ABCA4: variants seen among roughly 807,000 people sequenced by gnomAD.
ABCA4 encodes ATP binding cassette subfamily A member 4.
A neutral mutation model predicts 263.7 loss-of-function variants in ABCA4; 196 were observed. The ratio of observed to expected loss-of-function variants is 0.74; its 90% CI spans 0.66 to 0.84. The LOEUF is 0.84. Ranked by LOEUF, ABCA4 falls within the 40% of genes least tolerant of loss-of-function variation. ABCA4 has a pLI of 0.00. For synonymous variants in ABCA4, 1,133 were observed against 1,094.2 expected, an observed-to-expected ratio of 1.04 and a Z score of -0.70; for missense variants, 2,792 against 2,855.1, an observed-to-expected ratio of 0.98 and a Z score of 0.50.
intron 26 of ABCA4, among the ~76,000 whole-genome samples, chr1:94,035,349 G>C (rs572011076): frequency 1.3e-5 from 2 of 152,266 alleles, no homozygotes; most frequent in Admixed American, 1.3e-4. Flanking sequence ...AGAAACTTGG[G>C]TTCTGTGGTG....
intron 6 of ABCA4, among the ~76,000 whole-genome samples, chr1:94,097,875 C>G (rs967919502): frequency 2.0e-5 from 3 of 152,270 alleles, no homozygotes; most frequent in Admixed American, 1.3e-4. Context: ...TCAGCCTCCT[C>G]AGTAGCTGGG....
intron 15 of ABCA4, 53 bp downstream of exon 15, chr1:94,056,548 G>T: frequency 1.3e-6 from 2 of 1,573,096 alleles, no homozygotes; most frequent in South Asian, 1.1e-5. Flanking sequence ...GGACTGCTAC[G>T]GACCCTTCCA....
chr1:93,996,251 A>T, intron 48 of ABCA4, 56 bp from the exon 49 acceptor site: 3 of 1,275,098 alleles, frequency 2.4e-6, no homozygotes, highest in Non-Finnish European at 3.4e-6. Context: ...ACAGCACCCT[A>T]CACCCACCTA....
At chr1:94,043,585 C>A in intron 20 of ABCA4, 110 bp from the exon 21 acceptor site, 1 of 1,425,884 alleles carries the variant, frequency 7.0e-7, no homozygotes, top group Non-Finnish European at 9.7e-7. Context: ...AATCAAGATG[C>A]TCACTGTGGT....
At chr1:94,020,089 T>C (rs576426327) in intron 35 of ABCA4, among the ~76,000 whole-genome samples, 1 of 152,380 alleles carries the variant, frequency 6.6e-6, no homozygotes, top group Admixed American at 6.5e-5. Context: ...TTAGCTCTAA[T>C]AATCTGTCTA....
chr1:94,016,302 T>C lies in ABCA4; in HGVS notation c.5197-448A>G, dbSNP rs183411411. ...CAGAAAGGGGACGGCAACAGTGGGGTTAGGGGAGGAGCCATGGTGATCAGG... is the reference window on the plus strand; with the variant it reads ...CAGAAAGGGGACGGCAACAGTGGGGCTAGGGGAGGAGCCATGGTGATCAGG... On this transcript the variant is annotated intron_variant, in intron 36 of 49. Transcript: ENST00000370225. Among the ~76,000 whole-genome samples, 497 of 152,020 alleles carry C rather than the reference T, an allele frequency of 3.3e-3. 7 individuals carry two copies. The highest frequency in any genetic ancestry group is 5.3e-3 in the Non-Finnish European group (361 of 67,958).
At chr1:94,007,258 G>A (rs3789382) in intron 43 of ABCA4, among the ~76,000 whole-genome samples, 28,669 of 151,974 alleles carry the variant, frequency 0.19, 2,800 homozygotes, top group African/African-American at 0.23. Flanking sequence ...TCCCTGAAAC[G>A]TTTTGTAAAA....
chr1:94,040,124 TC>T lies in ABCA4; in HGVS notation c.3525del (p.Thr1176ProfsTer20). ...AAACCCTTAGACGAGCAGCTGCAGG[TC>T]CCCTGCAACAGATGGATGGGATGAC... Reference protein sequence around the residue: ...NIQSQRKGSEGTCSCSSKGFS... With the variant: ...NIQSQRKGSEXTCSCSSKGFS... On this transcript the variant is annotated frameshift_variant and splice_region_variant, in exon 24 of 50. Transcript: ENST00000370225. LOFTEE classifies it high-confidence loss of function. The T allele has an allele frequency of 6.2e-7, 1 of 1,605,552 alleles. No homozygotes were observed. Among genetic ancestry groups the T allele is most frequent in the Non-Finnish European group, 8.5e-7 (1 of 1,175,208 alleles).
intron 5 of ABCA4, among the ~76,000 whole-genome samples, chr1:94,101,980 A>T (rs1054525786): frequency 6.6e-6 from 1 of 152,202 alleles, no homozygotes; most frequent in Non-Finnish European, 1.5e-5. Flanking sequence ...CTGGGCTTTG[A>T]GAGCCACAGG....
At chr1:94,054,712 C>T (rs984735606) in intron 16 of ABCA4, among the ~76,000 whole-genome samples, 2 of 152,130 alleles carry the variant, frequency 1.3e-5, no homozygotes, top group Admixed American at 6.6e-5. Context: ...GATAATGAAG[C>T]AGCTTGGAGG....
At chr1:94,024,890 C>G in intron 31 of ABCA4, 64 bp downstream of exon 31, 1 of 1,366,920 alleles carries the variant, frequency 7.3e-7, no homozygotes, top group Non-Finnish European at 1.0e-6. Context: ...AAATTATCTT[C>G]TGTCCCTAGT....
Position 94,002,176 on chromosome 1 carries a change from T to A in ABCA4, c.6148-184A>T, listed in dbSNP as rs74102054. 0.13 allele frequency among the ~76,000 whole-genome samples: 19,408 copies of A among 152,202 alleles called. 2,076 individuals are homozygous for A. The highest frequency in any genetic ancestry group is 0.29 in the African/African-American group (12,144 of 41,482). On this transcript the variant is annotated intron_variant, in intron 44 of 49. Transcript: ENST00000370225. ...TCAGGCGCCAGACAGGGGCTCTTTC[T>A]CTCTGTGTCTTGGATCCCAGGGTGG...
intron 6 of ABCA4, among the ~76,000 whole-genome samples, chr1:94,095,571 G>A (rs1009638893): frequency 4.6e-5 from 7 of 152,098 alleles, no homozygotes; most frequent in Admixed American, 1.3e-4. Flanking sequence ...TCCCAGCGGG[G>A]CCCCTTCCCT....
At chr1:94,108,753 G>C in intron 3 of ABCA4, 37 bp from the exon 4 acceptor site, 1 of 1,610,356 alleles carries the variant, frequency 6.2e-7, no homozygotes, top group Non-Finnish European at 8.5e-7. Context: ...GGAAATAGCT[G>C]TTATTTTTAT....
intron 3 of ABCA4, among the ~76,000 whole-genome samples, chr1:94,109,173 T>G (rs188537970): frequency 2.8e-4 from 42 of 152,312 alleles, no homozygotes; most frequent in Non-Finnish European, 4.1e-4. Flanking sequence ...TTTTACTTCC[T>G]TGTACATATA....
intron 4 of ABCA4, among the ~76,000 whole-genome samples, chr1:94,107,598 C>T (rs2101153360): frequency 6.6e-6 from 1 of 152,330 alleles, no homozygotes; most frequent in East Asian, 1.9e-4. Flanking sequence ...TCTCTTCACT[C>T]TTCCTGACTC....
intron 16 of ABCA4, among the ~76,000 whole-genome samples, 177 bp from the exon 17 acceptor site, chr1:94,051,875 A>AT (rs1481854751): frequency 6.6e-6 from 1 of 152,110 alleles, no homozygotes; most frequent in Admixed American, 6.5e-5. Context: ...CTTCCAACAT[A>AT]TTTTTATCCA....
chr1:94,087,822 G>A (rs1661870841), intron 6 of ABCA4, among the ~76,000 whole-genome samples: 1 of 152,180 alleles, frequency 6.6e-6, no homozygotes. Flanking sequence ...CTGCTATTGT[G>A]CCAGGTGCTG....
At chr1:94,094,325 A>T (rs1662064011) in intron 6 of ABCA4, among the ~76,000 whole-genome samples, 1 of 152,154 alleles carries the variant, frequency 6.6e-6, no homozygotes, top group African/African-American at 2.4e-5. Context: ...CAAGAATGAA[A>T]CAGGACATTG....
Sources: gnomAD v4.1 joint callset for allele counts (sites outside exome capture counted in the v4.1 genomes callset) on GRCh38, gnomAD v4.1.1 for gene constraint, MANE v1.5 for transcripts, NCBI Gene and HGNC (gene_info 2026-07-23, HGNC 2026-07-21) for gene names.